OPCML: variants seen among roughly 807,000 people sequenced by gnomAD.
OPCML encodes the protein opioid binding protein/cell adhesion molecule like.
Under a neutral mutation model 37.8 loss-of-function variants are expected in OPCML, and 13 were observed. The ratio of observed to expected loss-of-function variants is 0.34; its 90% CI spans 0.22 to 0.55. The LOEUF (loss-of-function observed/expected upper bound fraction) is 0.55. OPCML is among the 20% of genes least tolerant of loss of function. OPCML has a pLI of 0.91. For missense variants in OPCML, 341 were observed against 435.6 expected, an observed-to-expected ratio of 0.78 and a Z score of 1.93; for synonymous variants, 176 against 168.8, an observed-to-expected ratio of 1.04 and a Z score of -0.33.
intron 1 of OPCML, among the ~76,000 whole-genome samples, chr11:133,221,897 A>G (rs1002990748): frequency 1.3e-5 from 2 of 152,224 alleles, no homozygotes; most frequent in Non-Finnish European, 2.9e-5. Context: ...ACCAAGGATC[A>G]GGAAAAATAA....
intron 1 of OPCML, among the ~76,000 whole-genome samples, chr11:133,207,647 A>G (rs1303105016): frequency 1.3e-5 from 2 of 152,188 alleles, no homozygotes; most frequent in East Asian, 1.9e-4. Flanking sequence ...CTAATCATGT[A>G]TTCATTTAAA....
intron 2 of OPCML, among the ~76,000 whole-genome samples, chr11:132,768,353 C>T (rs1024501651): frequency 6.6e-6 from 1 of 152,182 alleles, no homozygotes; most frequent in Non-Finnish European, 1.5e-5. Context: ...ACACTATCAA[C>T]TGATATGCAG....
chr11:132,698,539 T>A (rs549397944), intron 2 of OPCML, among the ~76,000 whole-genome samples: 9 of 152,346 alleles, frequency 5.9e-5, no homozygotes, highest in African/African-American at 2.2e-4. Context: ...TATTAATGCC[T>A]TCTCAGATAT....
chr11:132,463,592 G>A lies in OPCML; in HGVS notation c.506-26233C>T, dbSNP rs546407445. The stretch of plus-strand genomic sequence containing the variant: ...CACTGCAAGGATTGAGAGGAGCTGA[G>A]GGTTAGGGAATCTGGGATTAGAACA... On this transcript the variant is annotated intron_variant, in intron 4 of 7. Transcript: ENST00000524381. 1.3e-5 allele frequency among the ~76,000 whole-genome samples: 2 copies of A among 152,324 alleles called. 1 individual carries two copies. The highest frequency in any genetic ancestry group is 4.8e-5 in the African/African-American group (2 of 41,558).
chr11:132,528,874 C>T (rs2096315806), intron 4 of OPCML, among the ~76,000 whole-genome samples, 187 bp downstream of exon 4: 4 of 152,336 alleles, frequency 2.6e-5, no homozygotes, highest in Admixed American at 2.6e-4. Flanking sequence ...CTGACACCAT[C>T]ATTTAGCAAA....
chr11:132,718,340 A>T (rs1041448894), intron 2 of OPCML, among the ~76,000 whole-genome samples: 5 of 152,168 alleles, frequency 3.3e-5, no homozygotes, highest in Non-Finnish European at 7.3e-5. Context: ...AAAAAGAATG[A>T]GGGCTAAATT....
chr11:132,781,794 T>C (rs1459833671), intron 2 of OPCML, among the ~76,000 whole-genome samples: 6 of 151,602 alleles, frequency 4.0e-5, no homozygotes, highest in Admixed American at 4.0e-4. Flanking sequence ...AAAAATAATC[T>C]CTAGGTTAAA....
intron 3 of OPCML, among the ~76,000 whole-genome samples, chr11:132,654,664 C>G (rs1383523336): frequency 6.6e-6 from 1 of 151,968 alleles, no homozygotes; most frequent in Non-Finnish European, 1.5e-5. Flanking sequence ...AGATCTTCCC[C>G]AAGAGAATGT....
At position 133,208,745 on chromosome 11, in the gene OPCML, C is replaced by T. The variant is rs554532532; in HGVS notation, c.62-265735G>A. 2.6e-5 allele frequency among the ~76,000 whole-genome samples: 4 copies of T among 152,184 alleles called. No individual in the cohort carries two copies. The highest frequency in any genetic ancestry group is 2.0e-4 in the Admixed American group (3 of 15,288). ...AAGGCTGCTGTAAGACTGAAGCACA[C>T]GTTATCTAAAGCAATGGCCCTTCTC... On this transcript the variant is annotated intron_variant, in intron 1 of 7. Transcript: ENST00000524381. The surrounding 1 kb of genome is among the most constrained non-coding windows in gnomAD (Gnocchi z 8.9).
At chr11:132,496,231 G>T (rs538392710) in intron 4 of OPCML, among the ~76,000 whole-genome samples, 2 of 152,304 alleles carry the variant, frequency 1.3e-5, no homozygotes, top group African/African-American at 2.4e-5. Flanking sequence ...TAGCATAAAC[G>T]GATGGATGTG....
Position 133,377,615 on chromosome 11 carries a change from A to AAAAAAAAAAAAAG in OPCML, c.61+154636_61+154648dup, listed in dbSNP as rs1157491743. ...CTCTCTGACGTGCCAGTATTCAGAA[A>AAAAAAAAAAAAAG]AAAAAAAAAAAAGAGCACCAAGTCC... On this transcript the variant is annotated intron_variant, in intron 1 of 7. Transcript: ENST00000524381. Among the ~76,000 whole-genome samples the AAAAAAAAAAAAAG allele has an allele frequency of 3.9e-4, 58 of 149,328 alleles. 3 individuals are homozygous for AAAAAAAAAAAAAG. Among genetic ancestry groups the AAAAAAAAAAAAAG allele is most frequent in the Non-Finnish European group, 7.1e-4 (48 of 67,398 alleles).
Position 133,026,000 on chromosome 11 carries a change from G to C in OPCML, c.62-82990C>G, listed in dbSNP as rs118046354. 3.9e-5 allele frequency: 37 copies of C among 943,006 alleles called. No individual in the cohort carries two copies. The East Asian group carries it at 3.7e-3, about 95-fold the overall frequency. The allele number at this position is 943,006 out of a possible 1,614,324, so 58.4% of individuals were successfully genotyped here. On this transcript the variant is annotated intron_variant, in intron 1 of 7. Coordinates refer to ENST00000524381, the MANE Select transcript of OPCML (RefSeq NM_001012393.5). ...TCCACCCACCTTGGCCACCAAAGGTGCTGGGATTACAGACATGAGCCACCA... is the reference window on the plus strand; with the variant it reads ...TCCACCCACCTTGGCCACCAAAGGTCCTGGGATTACAGACATGAGCCACCA...
intron 1 of OPCML, among the ~76,000 whole-genome samples, chr11:132,945,679 C>T (rs1377496912): frequency 2.0e-5 from 3 of 151,878 alleles, no homozygotes; most frequent in Admixed American, 6.6e-5. Flanking sequence ...ATTATTTTAA[C>T]TTTTTGACTG....
chr11:133,111,708 T>C (rs972390680), intron 1 of OPCML, among the ~76,000 whole-genome samples: 7 of 152,204 alleles, frequency 4.6e-5, no homozygotes, highest in Non-Finnish European at 1.0e-4. Flanking sequence ...CAGACTGGGC[T>C]CCCAGAAAAT....
chr11:133,037,434 T>C (rs1947802672), intron 1 of OPCML, among the ~76,000 whole-genome samples: 1 of 152,114 alleles, frequency 6.6e-6, no homozygotes. Context: ...GATTATTGCA[T>C]TGGGTAGGAG....
chr11:132,460,859 G>T (rs190871971), intron 4 of OPCML, among the ~76,000 whole-genome samples: 51 of 152,308 alleles, frequency 3.3e-4, no homozygotes, highest in Admixed American at 5.9e-4. Context: ...AAGAGCTCTG[G>T]AGCAATAATT....
At chr11:132,691,646 C>T (rs1303031152) in intron 2 of OPCML, among the ~76,000 whole-genome samples, 1 of 152,162 alleles carries the variant, frequency 6.6e-6, no homozygotes, top group Non-Finnish European at 1.5e-5. Context: ...TCTGTGCCAA[C>T]AACTCAAATT....
rs537752265 is a variant in OPCML, at chr11:132,560,309, T to C, written c.380-31123A>G. Among the ~76,000 whole-genome samples the C allele has an allele frequency of 9.8e-5, 15 of 152,318 alleles. No homozygotes were observed. In the South Asian group the frequency reaches 3.1e-3, roughly 32 times the overall value. ...TTCTTAGTAATATCAAAAATCAAAA[T>C]CTAATAGTTTTCCACACACCCCAGT... On this transcript the variant is annotated intron_variant, in intron 3 of 7. Transcript: ENST00000524381.
intron 2 of OPCML, among the ~76,000 whole-genome samples, chr11:132,708,464 A>T (rs564750016): frequency 7.9e-5 from 12 of 152,298 alleles, no homozygotes; most frequent in Admixed American, 2.6e-4. Flanking sequence ...CTTTCTAGTT[A>T]GGATGCAATT....
Sources: gnomAD v4.1 joint callset for allele counts (sites outside exome capture counted in the v4.1 genomes callset) on GRCh38, gnomAD v4.1.1 for gene constraint, Gnocchi (gnomAD v3.1) non-coding constraint, MANE v1.5 for transcripts, NCBI Gene and HGNC (gene_info 2026-07-23, HGNC 2026-07-21) for gene names.